The following EBF1 variants were observed in gnomAD, a reference collection of about 807,000 sequenced individuals.
EBF1 encodes the protein EBF transcription factor 1.
In EBF1, 10 loss-of-function variants were observed where a neutral mutation model predicts 68.4. The ratio of observed to expected loss-of-function variants is 0.15; its 90% CI spans 0.09 to 0.25. The LOEUF (loss-of-function observed/expected upper bound fraction) is 0.25. Among genes scored for constraint, EBF1 ranks in the 10% least tolerant of loss-of-function variants. EBF1 has a pLI of 1.00. For synonymous variants in EBF1, 298 were observed against 299.8 expected (o/e 0.99, Z 0.06); for missense variants, 509 against 794.4 (o/e 0.64, Z 4.32).
At position 158,909,804 on chromosome 5, in the gene EBF1, G is replaced by A. The variant is rs192912360; in HGVS notation, c.555-69694C>T. ...ATACAAAAATTAGCTGGACGTGGTGGCACAGGCCTTTAATCCCAGCTATTC... is the reference window on the plus strand; with the variant it reads ...ATACAAAAATTAGCTGGACGTGGTGACACAGGCCTTTAATCCCAGCTATTC... On this transcript the variant is annotated intron_variant, in intron 6 of 15. Transcript: ENST00000313708. 9.2e-5 allele frequency among the ~76,000 whole-genome samples: 14 copies of A among 152,002 alleles called. No homozygotes were observed. The East Asian group carries it at 1.9e-3, about 21-fold the overall frequency.
Position 158,720,661 on chromosome 5 carries a change from A to G in EBF1, c.1126-6479T>C, listed in dbSNP as rs1290872487. On this transcript the variant is annotated intron_variant, in intron 11 of 15. Transcript: ENST00000313708. ...AAGCCTTTAGTGTCACACTTTAAACACTCTTTCCTTAGAAGCCCTATGACT... is the reference window on the plus strand; with the variant it reads ...AAGCCTTTAGTGTCACACTTTAAACGCTCTTTCCTTAGAAGCCCTATGACT... Among the ~76,000 whole-genome samples, 6 of 152,020 alleles carry G rather than the reference A, an allele frequency of 3.9e-5. No individual in the cohort carries two copies. In the East Asian group the frequency reaches 1.2e-3, roughly 29 times the overall value.
intron 4 of EBF1, among the ~76,000 whole-genome samples, chr5:159,091,372 G>A (rs774213905): frequency 2.0e-5 from 3 of 152,150 alleles, no homozygotes; most frequent in African/African-American, 4.8e-5. Context: ...CACAGGTCCT[G>A]ATCATGCATA....
At chr5:158,712,018 C>T in intron 14 of EBF1, 136 bp downstream of exon 14, 2 of 1,027,498 alleles carry the variant, frequency 1.9e-6, no homozygotes, top group Non-Finnish European at 2.8e-6. Context: ...TTAGCACCAT[C>T]ACCCAGGGGA....
chr5:158,882,418 C>A (rs1469845902), intron 6 of EBF1, among the ~76,000 whole-genome samples: 1 of 152,110 alleles, frequency 6.6e-6, no homozygotes, highest in Non-Finnish European at 1.5e-5. Flanking sequence ...CCAGAGCCTG[C>A]CACGTATTCT....
intron 6 of EBF1, among the ~76,000 whole-genome samples, chr5:158,900,167 G>A (rs753437315): frequency 2.6e-5 from 4 of 152,148 alleles, no homozygotes; most frequent in East Asian, 1.9e-4. Flanking sequence ...GAATTGGCAC[G>A]TTCTTATCTA....
intron 6 of EBF1, among the ~76,000 whole-genome samples, chr5:158,994,143 A>G (rs1760935048): frequency 6.6e-6 from 1 of 152,182 alleles, no homozygotes; most frequent in African/African-American, 2.4e-5. Flanking sequence ...GGTGCGTCTC[A>G]GAAGGAGAAC....
intron 10 of EBF1, among the ~76,000 whole-genome samples, chr5:158,747,857 C>T (rs1767940670): frequency 6.6e-6 from 1 of 152,184 alleles, no homozygotes; most frequent in Non-Finnish European, 1.5e-5. Flanking sequence ...GTTATCATCA[C>T]CATTTTACAG....
At chr5:158,834,690 A>C (rs1788348596) in intron 7 of EBF1, among the ~76,000 whole-genome samples, 1 of 152,232 alleles carries the variant, frequency 6.6e-6, no homozygotes, top group South Asian at 2.1e-4. Flanking sequence ...AGCCACTGTG[A>C]AGCTGAGTTT....
chr5:158,696,509 G>T lies in EBF1; in HGVS notation c.*2602C>A. The T allele has an allele frequency of 4.5e-6, 1 of 224,710 alleles. No homozygotes were observed. The highest frequency in any genetic ancestry group is 1.4e-3 in the Middle Eastern group (1 of 738). The allele number at this position is 224,710 out of a possible 1,614,324, so 13.9% of individuals were successfully genotyped here. A position where few individuals can be genotyped will look rare whatever the true frequency, so the allele number is the denominator to read the frequency against. On this transcript the variant is annotated 3_prime_UTR_variant, in exon 16 of 16. Transcript: ENST00000313708. ...TTCATTCCTTCAGAAACAGTTAAGG[G>T]GCTCACCAGATAAAATATGGCTTTA... is the stretch of plus-strand genomic sequence containing the variant.
intron 6 of EBF1, chr5:158,986,086 G>C (rs1193304807): frequency 1.3e-5 from 2 of 152,344 alleles, no homozygotes; most frequent in Non-Finnish European, 2.9e-5. Flanking sequence ...GGGTGGAGCG[G>C]GGAGTTGTGT....
At chr5:158,835,640 A>G (rs759577364) in intron 7 of EBF1, among the ~76,000 whole-genome samples, 1 of 152,170 alleles carries the variant, frequency 6.6e-6, no homozygotes, top group Admixed American at 6.5e-5. Flanking sequence ...ATCTCTTTAT[A>G]GCCTCACTAA....
At chr5:158,908,970 G>C (rs1429926512) in intron 6 of EBF1, among the ~76,000 whole-genome samples, 4 of 152,168 alleles carry the variant, frequency 2.6e-5, no homozygotes, top group African/African-American at 9.7e-5. Flanking sequence ...TCTCAACAGT[G>C]CCCCTCCTGC....
intron 6 of EBF1, among the ~76,000 whole-genome samples, chr5:159,052,098 A>G (rs1773858663): frequency 6.6e-6 from 1 of 152,128 alleles, no homozygotes. Context: ...ACTAAACCTT[A>G]TTTGAGAAGT....
At chr5:158,929,897 A>G (rs1471380891) in intron 6 of EBF1, among the ~76,000 whole-genome samples, 1 of 152,158 alleles carries the variant, frequency 6.6e-6, no homozygotes, top group African/African-American at 2.4e-5. Context: ...TAGAAAATGC[A>G]CCCCCTACAC....
At chr5:158,831,159 T>C (rs1005944151) in intron 7 of EBF1, among the ~76,000 whole-genome samples, 13 of 152,200 alleles carry the variant, frequency 8.5e-5, no homozygotes, top group Non-Finnish European at 1.5e-5. Context: ...TCTGTGTGTG[T>C]GTCCTCATTG....
At chr5:159,000,169 C>T (rs531535926) in intron 6 of EBF1, among the ~76,000 whole-genome samples, 1 of 152,202 alleles carries the variant, frequency 6.6e-6, no homozygotes, top group Admixed American at 6.5e-5. Context: ...CACACACTTG[C>T]AGTACAGACA....
chr5:158,814,686 C>T (rs1005467256), intron 8 of EBF1, among the ~76,000 whole-genome samples: 3 of 152,150 alleles, frequency 2.0e-5, no homozygotes, highest in Non-Finnish European at 2.9e-5. Flanking sequence ...GGACTCCTTC[C>T]TCCACACCTT....
In EBF1 at chr5:158,698,968, TTTTG is replaced by T; in HGVS notation, c.*139_*142del. 1.5e-6 allele frequency: 1 copy of T among 675,164 alleles called. No homozygotes were observed. The highest frequency in any genetic ancestry group is 1.9e-5 in the African/African-American group (1 of 53,262). The allele number at this position is 675,164 out of a possible 1,614,324, so 41.8% of individuals were successfully genotyped here. ...ATTTCAGTATTTGCAAGGTCGGTGA[TTTTG>T]TTTGTTTAAAAATCTGCAGTTATTG... On this transcript the variant is annotated 3_prime_UTR_variant, in exon 16 of 16. Coordinates refer to ENST00000313708, the MANE Select transcript of EBF1 (RefSeq NM_024007.5).
intron 6 of EBF1, among the ~76,000 whole-genome samples, chr5:158,886,628 C>T (rs1305283612): frequency 6.6e-6 from 1 of 152,208 alleles, no homozygotes; most frequent in Non-Finnish European, 1.5e-5. Context: ...TGCCTACATA[C>T]TAGGAGATTA....
Sources: allele counts gnomAD v4.1 joint callset (sites outside exome capture counted in the v4.1 genomes callset), GRCh38; gene constraint gnomAD v4.1.1; transcripts MANE v1.5; gene names NCBI Gene and HGNC (gene_info 2026-07-23, HGNC 2026-07-21).